C10orf90: variants seen among roughly 807,000 people sequenced by gnomAD.
C10orf90 encodes the protein (E2-independent) E3 ubiquitin-conjugating enzyme FATS.
A neutral mutation model predicts 62.5 loss-of-function variants in C10orf90; 56 were observed. The ratio of observed to expected loss-of-function variants is 0.90; its 90% CI spans 0.72 to 1.12. The LOEUF (loss-of-function observed/expected upper bound fraction) is 1.12, where lower values mean the gene tolerates loss of function less well. Among genes scored for constraint, C10orf90 ranks in the 50% most tolerant of loss-of-function variants. The pLI is 0.00. For synonymous variants in C10orf90, 386 were observed against 340.4 expected (o/e 1.13, Z -1.47); for missense variants, 970 against 880.4 (o/e 1.10, Z -1.29).
At chr10:126,600,203 T>A (rs1334682685) in intron 2 of C10orf90, among the ~76,000 whole-genome samples, 1 of 152,232 alleles carries the variant, frequency 6.6e-6, no homozygotes, top group African/African-American at 2.4e-5. Context: ...CGCATGTGTG[T>A]GCAGGCAGGT....
At chr10:126,565,823 CT>C (rs1844374599) in intron 2 of C10orf90, among the ~76,000 whole-genome samples, 1 of 152,162 alleles carries the variant, frequency 6.6e-6, no homozygotes, top group Admixed American at 6.5e-5. Flanking sequence ...CCTCCACCCG[CT>C]GTTTTGAGAC....
intron 1 of C10orf90, among the ~76,000 whole-genome samples, chr10:126,647,519 C>T (rs1182977544): frequency 6.6e-6 from 1 of 152,214 alleles, no homozygotes; most frequent in African/African-American, 2.4e-5. Flanking sequence ...AATCTGTAGT[C>T]AAGCACTTCT....
chr10:126,661,980 A>G (rs1261901378), intron 1 of C10orf90, among the ~76,000 whole-genome samples: 1 of 152,000 alleles, frequency 6.6e-6, no homozygotes, highest in Non-Finnish European at 1.5e-5. Flanking sequence ...AACCAGTATT[A>G]TCTTGGTTAT....
chr10:126,559,899 A>G (rs150398942), intron 2 of C10orf90, among the ~76,000 whole-genome samples: 1,734 of 152,258 alleles, frequency 0.011, 27 homozygotes, highest in African/African-American at 0.037. Context: ...CTGAAATTAG[A>G]CCCTCAAGAG....
chr10:126,607,520 T>C (rs183136288), intron 2 of C10orf90, among the ~76,000 whole-genome samples: 1 of 152,238 alleles, frequency 6.6e-6, no homozygotes, highest in African/African-American at 2.4e-5. Flanking sequence ...TTATCAATGA[T>C]CAAATTTGAA....
intron 2 of C10orf90, among the ~76,000 whole-genome samples, chr10:126,621,461 T>C (rs184873139): frequency 6.6e-5 from 10 of 152,358 alleles, no homozygotes; most frequent in Non-Finnish European, 1.3e-4. Flanking sequence ...TTTCTCTTCA[T>C]ATCGTTGGTG....
intron 7 of C10orf90, among the ~76,000 whole-genome samples, chr10:126,436,992 A>G (rs1170069678): frequency 6.6e-6 from 1 of 152,100 alleles, no homozygotes; most frequent in African/African-American, 2.4e-5. Flanking sequence ...TCTATTAACC[A>G]TGAAGAAGCT....
chr10:126,637,457 A>G (rs1292738143), intron 2 of C10orf90, among the ~76,000 whole-genome samples: 4 of 152,228 alleles, frequency 2.6e-5, no homozygotes, highest in Non-Finnish European at 5.9e-5. Context: ...AAAATCAGAC[A>G]GGCCCCTGCT....
chr10:126,513,895 T>C lies in C10orf90; in HGVS notation c.358A>G (p.Lys120Glu). The change falls in exon 3 of 10, where the codon AAA becomes GAA. Residue 120 changes from lysine (K) to glutamate (E), a missense_variant. Transcript: ENST00000488181. ...YHSRRDQIAL[K>E]NLQSDVTEAK... Reference sequence around the variant, plus strand: ...TCTGTGACATCAGACTGGAGATTTTTAAGGGCAATTTGATCTCTTCTACTG... The same window carrying C: ...TCTGTGACATCAGACTGGAGATTTTCAAGGGCAATTTGATCTCTTCTACTG... The C allele has an allele frequency of 1.2e-6, 2 of 1,613,376 alleles. No individual in the cohort carries two copies. The highest frequency in any genetic ancestry group is 2.2e-5 in the East Asian group (1 of 44,814).
At chr10:126,513,787 A>G (rs1187650811) in intron 3 of C10orf90, 61 bp downstream of exon 3, 9 of 1,061,464 alleles carry the variant, frequency 8.5e-6, no homozygotes, top group Non-Finnish European at 1.3e-5. Context: ...TAGGTCAGTG[A>G]TTATATTTTA....
chr10:126,606,110 C>T (rs1196160620), intron 2 of C10orf90, among the ~76,000 whole-genome samples: 1 of 152,140 alleles, frequency 6.6e-6, no homozygotes, highest in Non-Finnish European at 1.5e-5. Context: ...GAAGGCTGTC[C>T]CACTGCACCC....
At chr10:126,642,180 C>G (rs913539211) in intron 2 of C10orf90, among the ~76,000 whole-genome samples, 89 of 152,162 alleles carry the variant, frequency 5.8e-4, no homozygotes, top group Non-Finnish European at 1.5e-5. Flanking sequence ...GTGGAAGGAC[C>G]ATTCCAAAGA....
chr10:126,527,499 G>C (rs1385249035), intron 2 of C10orf90, among the ~76,000 whole-genome samples: 1 of 152,170 alleles, frequency 6.6e-6, no homozygotes, highest in East Asian at 1.9e-4. Flanking sequence ...ACGATTCTCA[G>C]ACTCCGTAAG....
Position 126,565,643 on chromosome 10 carries a change from T to G in C10orf90, c.314-51704A>C, listed in dbSNP as rs1439357561. Among the ~76,000 whole-genome samples the G allele has an allele frequency of 2.0e-5, 3 of 151,656 alleles. No homozygotes were observed. In the East Asian group the frequency reaches 5.8e-4, roughly 30 times the overall value. ...CTGCACTTGTGGTAGCTTAAGGAACTTCAAAGCTCCTTGTTGTTTGAACAA... is the reference window on the plus strand; with the variant it reads ...CTGCACTTGTGGTAGCTTAAGGAACGTCAAAGCTCCTTGTTGTTTGAACAA... On this transcript the variant is annotated intron_variant, in intron 2 of 9. Coordinates refer to ENST00000488181, the MANE Select transcript of C10orf90 (RefSeq NM_001350921.2).
intron 2 of C10orf90, among the ~76,000 whole-genome samples, chr10:126,624,135 C>T (rs563535988): frequency 6.6e-6 from 1 of 152,128 alleles, no homozygotes; most frequent in Admixed American, 6.5e-5. Flanking sequence ...ATCATGAGGT[C>T]AGGACTTTGA....
At position 126,595,606 on chromosome 10, in the gene C10orf90, G is replaced by A. The variant is rs1845068027; in HGVS notation, c.313+50959C>T. On this transcript the variant is annotated intron_variant, in intron 2 of 9. Coordinates refer to ENST00000488181, the MANE Select transcript of C10orf90 (RefSeq NM_001350921.2). The stretch of plus-strand genomic sequence containing the variant: ...CTCTAGGAGGAGACCTGGCCTGCAG[G>A]TCCGGTTCTGGCATGGACTCACCTG... 3.9e-5 allele frequency among the ~76,000 whole-genome samples: 6 copies of A among 152,132 alleles called. 1 individual carries two copies. The South Asian group carries it at 1.2e-3, about 32-fold the overall frequency.
In C10orf90 at chr10:126,668,913, G is replaced by A. The variant is rs114482579; in HGVS notation, c.240+1328C>T. Among the ~76,000 whole-genome samples the A allele has an allele frequency of 6.3e-3, 964 of 152,284 alleles. 11 individuals carry two copies. The highest frequency in any genetic ancestry group is 0.022 in the African/African-American group (915 of 41,542). Reference sequence around the variant, plus strand: ...CTTTTTTCATATTGTTTTAATCAGTGTGGCTATAGGAATCAGTGAAGTTTT... The same window carrying A: ...CTTTTTTCATATTGTTTTAATCAGTATGGCTATAGGAATCAGTGAAGTTTT... On this transcript the variant is annotated intron_variant, in intron 1 of 9. Transcript: ENST00000488181.
At position 126,513,943 on chromosome 10, in the gene C10orf90, G is replaced by C. The variant is rs748161782; in HGVS notation, c.314-4C>G. The C allele has an allele frequency of 3.1e-6, 5 of 1,597,678 alleles. No homozygotes were observed. The highest frequency in any genetic ancestry group is 4.3e-6 in the Non-Finnish European group (5 of 1,167,776). ...CTGTGGTAGCTGTCCCGTAATCCTA[G>C]GCAAAAGAAGATAATATTGCTACTT... is the stretch of plus-strand genomic sequence containing the variant. On this transcript the variant is annotated splice_region_variant and splice_polypyrimidine_tract_variant and intron_variant, in intron 2 of 9. Transcript: ENST00000488181.
intron 2 of C10orf90, among the ~76,000 whole-genome samples, chr10:126,642,868 C>T (rs528970899): frequency 3.3e-5 from 5 of 152,282 alleles, no homozygotes; most frequent in South Asian, 2.1e-4. Context: ...ACCAGCACCC[C>T]GCTAACCCCA....
Sources: allele counts gnomAD v4.1 joint callset (sites outside exome capture counted in the v4.1 genomes callset), GRCh38; gene constraint gnomAD v4.1.1; transcripts MANE v1.5; gene names NCBI Gene and HGNC (gene_info 2026-07-23, HGNC 2026-07-21).